Variants in CDH11 observed in about 807,000 individuals in gnomAD.
The protein encoded by CDH11 is cadherin 11, also known as cadherin-11.
In CDH11, 11 loss-of-function variants were observed where a neutral mutation model predicts 67.8. The observed-to-expected ratio is 0.16, with a 90% CI of 0.10 to 0.27. CDH11 has a LOEUF of 0.27. CDH11 is among the 10% of genes least tolerant of loss of function. The pLI is 1.00. For synonymous variants in CDH11, 419 were observed against 400.0 expected (o/e 1.05, Z -0.57); for missense variants, 847 against 1,031.2 (o/e 0.82, Z 2.45).
chr16:65,023,078 A>C (rs1437017421), intron 2 of CDH11, among the ~76,000 whole-genome samples: 1 of 152,182 alleles, frequency 6.6e-6, no homozygotes, highest in East Asian at 1.9e-4. Flanking sequence ...TTGGAAACTA[A>C]AGCAAAAAAG....
At position 64,947,249 on chromosome 16, in the gene CDH11, T is replaced by C; in HGVS notation, c.*354A>G. Reference sequence around the variant, plus strand: ...CCTTTCTAATTTTGTGGAAGCTTCTTTGACAACTTAAAAAAGAAGAAAGAC... The same window carrying C: ...CCTTTCTAATTTTGTGGAAGCTTCTCTGACAACTTAAAAAAGAAGAAAGAC... On this transcript the variant is annotated 3_prime_UTR_variant, in exon 13 of 13. Coordinates refer to ENST00000268603, the MANE Select transcript of CDH11 (RefSeq NM_001797.4). 9.0e-7 allele frequency: 1 copy of C among 1,107,368 alleles called. No individual in the cohort carries two copies. The highest frequency in any genetic ancestry group is 1.1e-6 in the Non-Finnish European group (1 of 904,442). 68.6% of individuals were successfully genotyped at this position (1,107,368 alleles called of 1,614,324 possible).
intron 2 of CDH11, among the ~76,000 whole-genome samples, chr16:65,032,324 CA>C (rs35617108): frequency 0.018 from 2,013 of 109,330 alleles, 32 homozygotes; most frequent in African/African-American, 0.049. Context: ...CTGTCTCTCC[CA>C]AAAAAAAAAA....
At chr16:65,096,448 T>TAC (rs2074896894) in intron 1 of CDH11, among the ~76,000 whole-genome samples, 1 of 131,810 alleles carries the variant, frequency 7.6e-6, no homozygotes. Flanking sequence ...TGTGTGTATA[T>TAC]ATATGTTTAT....
chr16:65,008,222 C>G (rs548236724), intron 2 of CDH11, among the ~76,000 whole-genome samples: 1 of 152,198 alleles, frequency 6.6e-6, no homozygotes, highest in Non-Finnish European at 1.5e-5. Flanking sequence ...TAGCTTAATA[C>G]TAATGAATTT....
At chr16:65,013,219 C>T (rs769023563) in intron 2 of CDH11, among the ~76,000 whole-genome samples, 8 of 152,120 alleles carry the variant, frequency 5.3e-5, no homozygotes, top group Admixed American at 2.0e-4. Flanking sequence ...TCATGGGAAT[C>T]GTGCCTTCTG....
chr16:65,006,049 A>G (rs983809193), intron 2 of CDH11, among the ~76,000 whole-genome samples: 1 of 151,176 alleles, frequency 6.6e-6, no homozygotes, highest in African/African-American at 2.4e-5. Flanking sequence ...GGACTTCTTC[A>G]TTGGACTTTC....
intron 1 of CDH11, among the ~76,000 whole-genome samples, chr16:65,067,096 T>C (rs1160675023): frequency 6.6e-6 from 1 of 152,092 alleles, no homozygotes. Context: ...TTTCTTCTAT[T>C]TAATCCACAG....
intron 8 of CDH11, among the ~76,000 whole-genome samples, chr16:64,977,699 C>T (rs2072213208): frequency 6.6e-6 from 1 of 152,112 alleles, no homozygotes; most frequent in Admixed American, 6.5e-5. Flanking sequence ...CAGATCTGGG[C>T]TGAAATCCAG....
At chr16:65,028,535 G>T (rs1011598520) in intron 2 of CDH11, among the ~76,000 whole-genome samples, 8 of 151,964 alleles carry the variant, frequency 5.3e-5, no homozygotes, top group African/African-American at 1.9e-4. Context: ...ACACACACAC[G>T]TCTATGCCTC....
intron 3 of CDH11, among the ~76,000 whole-genome samples, chr16:65,003,978 G>A (rs1279154746): frequency 1.3e-5 from 2 of 152,200 alleles, no homozygotes; most frequent in African/African-American, 4.8e-5. Flanking sequence ...CATTCAAGTT[G>A]GGATTAGGGT....
Position 64,946,613 on chromosome 16 carries a change from A to G in CDH11, c.*990T>C, listed in dbSNP as rs2071202789. On this transcript the variant is annotated 3_prime_UTR_variant, in exon 13 of 13. Transcript: ENST00000268603. Reference sequence around the variant, plus strand: ...CATGATGTTACAGAATCTTGTCTGAAAAAACATTTGTAAAACATATTTGAT... The same window carrying G: ...CATGATGTTACAGAATCTTGTCTGAGAAAACATTTGTAAAACATATTTGAT... 3.9e-6 allele frequency: 4 copies of G among 1,029,966 alleles called. No individual in the cohort carries two copies. Among genetic ancestry groups the G allele is most frequent in the Non-Finnish European group, 4.7e-6 (4 of 856,310 alleles). The allele number at this position is 1,029,966 out of a possible 1,614,324, so 63.8% of individuals were successfully genotyped here. A position where few individuals can be genotyped will look rare whatever the true frequency, so the allele number is the denominator to read the frequency against.
At chr16:64,960,791 A>G (rs1289446503) in intron 11 of CDH11, among the ~76,000 whole-genome samples, 1 of 152,130 alleles carries the variant, frequency 6.6e-6, no homozygotes, top group African/African-American at 2.4e-5. Flanking sequence ...ATGGAGTTTC[A>G]GTTAAATACA....
At position 65,007,598 on chromosome 16, in the gene CDH11, A is replaced by G. The variant is rs996539888; in HGVS notation, c.-172-2557T>C. On this transcript the variant is annotated intron_variant, in intron 2 of 12. Coordinates refer to ENST00000268603, the MANE Select transcript of CDH11 (RefSeq NM_001797.4). ...AAAGATTTCTGAGCAGAAGTCATGA[A>G]ACTCAAGATTTGGTGGAGAATCTGG... Among the ~76,000 whole-genome samples the G allele has an allele frequency of 5.3e-5, 8 of 152,204 alleles. No individual in the cohort carries two copies. The East Asian group carries it at 1.5e-3, about 29-fold the overall frequency.
chr16:64,965,980 AGG>A (rs1467900058), intron 11 of CDH11, among the ~76,000 whole-genome samples: 2 of 152,130 alleles, frequency 1.3e-5, no homozygotes, highest in Admixed American at 1.3e-4. Flanking sequence ...CTCAAACTCT[AGG>A]TCAACCCATT....
intron 6 of CDH11, among the ~76,000 whole-genome samples, chr16:64,989,704 G>A (rs1938720035): frequency 6.6e-6 from 1 of 152,118 alleles, no homozygotes; most frequent in Non-Finnish European, 1.5e-5. Flanking sequence ...TAAACTTGGG[G>A]AAATCACTGG....
chr16:64,963,298 A>G (rs903585781), intron 11 of CDH11, among the ~76,000 whole-genome samples: 1 of 152,162 alleles, frequency 6.6e-6, no homozygotes, highest in Non-Finnish European at 1.5e-5. Context: ...AAAAAACATC[A>G]ACAGAAATAG....
intron 2 of CDH11, among the ~76,000 whole-genome samples, chr16:65,030,513 A>C (rs2073621907): frequency 6.6e-6 from 1 of 152,182 alleles, no homozygotes. Flanking sequence ...CGTAGTCCTC[A>C]CAAAAGCAAC....
intron 1 of CDH11, among the ~76,000 whole-genome samples, chr16:65,081,915 T>C (rs1242674220): frequency 8.5e-6 from 1 of 117,518 alleles, no homozygotes. Context: ...TCACATCACA[T>C]GTCCTTGGGG....
rs1036461041 is a variant in CDH11 at position 64,944,283 on chromosome 16, G to A, written c.*3320C>T. ...AGCCAAGAGGTGGGGTCAGTCTTCC[G>A]GGTCAGAGATGACCATGGCCCAGAC... On this transcript the variant is annotated 3_prime_UTR_variant, in exon 13 of 13. Transcript: ENST00000268603. 11 of 232,918 alleles carry A rather than the reference G, an allele frequency of 4.7e-5. No individual in the cohort carries two copies. The highest frequency in any genetic ancestry group is 1.8e-4 in the South Asian group (1 of 5,510). The allele number at this position is 232,918 out of a possible 1,614,324, so 14.4% of individuals were successfully genotyped here. A position where few individuals can be genotyped will look rare whatever the true frequency, so the allele number is the denominator to read the frequency against.
Sources: allele counts gnomAD v4.1 joint callset (sites outside exome capture counted in the v4.1 genomes callset), GRCh38; gene constraint gnomAD v4.1.1; transcripts MANE v1.5; gene names NCBI Gene and HGNC (gene_info 2026-07-23, HGNC 2026-07-21).